Variants in BICRA observed in about 807,000 individuals in gnomAD.
The protein encoded by BICRA is BRD4 interacting chromatin remodeling complex associated protein.
In BICRA, 31 loss-of-function variants were observed where a neutral mutation model predicts 96.9. That is an observed-to-expected ratio of 0.32 (90% CI 0.24 to 0.43). BICRA has a LOEUF of 0.43. Ranked by LOEUF, BICRA falls within the 20% of genes least tolerant of loss-of-function variation. The pLI is 1.00. For missense variants in BICRA, 2,283 were observed against 2,190.3 expected, an observed-to-expected ratio of 1.04 and a Z score of -0.84; for synonymous variants, 1,350 against 1,071.8, an observed-to-expected ratio of 1.26 and a Z score of -5.07.
intron 4 of BICRA, among the ~76,000 whole-genome samples, chr19:47,674,603 C>CT (rs1397001176): frequency 4.6e-5 from 7 of 152,110 alleles, no homozygotes; most frequent in Non-Finnish European, 8.8e-5. Flanking sequence ...CTCAGGGACT[C>CT]TCATGAGGTT....
At chr19:47,658,495 G>T (rs775569040) in intron 1 of BICRA, among the ~76,000 whole-genome samples, 45 of 152,108 alleles carry the variant, frequency 3.0e-4, no homozygotes, top group Non-Finnish European at 2.5e-4. Context: ...CGCCAGGCGT[G>T]GTGGCGAGTG....
At chr19:47,674,112 C>T (rs2081182) in intron 4 of BICRA, among the ~76,000 whole-genome samples, 73,332 of 151,922 alleles carry the variant, frequency 0.48, 18,571 homozygotes, top group South Asian at 0.6. Context: ...AAGGGTCACA[C>T]GAGGGAGGTA....
chr19:47,696,653 T>C, intron 11 of BICRA, 141 bp downstream of exon 11: 1 of 699,394 alleles, frequency 1.4e-6, no homozygotes, highest in Non-Finnish European at 2.3e-6. Context: ...TGTAGTTCCC[T>C]CATAGACCCT....
In BICRA at chr19:47,680,697, C is replaced by T. The variant is rs1434500952; in HGVS notation, c.1527C>T (p.Leu509=). ...AAAAPHTGGQ[L]IANPILTNQN... ...CTGCCCCCCACACAGGTGGACAGCT[C>T]ATCGCGAACCCCATCCTCACAAACC... The change falls in exon 6 of 15, where the codon CTC becomes CTT. Residue 509 remains leucine, a synonymous_variant. Transcript: ENST00000594866. 2.5e-6 allele frequency: 4 copies of T among 1,601,328 alleles called. No individual in the cohort carries two copies. The East Asian group carries it at 6.7e-5, about 27-fold the overall frequency.
At chr19:47,648,487 G>T (rs1972494772) in intron 1 of BICRA, among the ~76,000 whole-genome samples, 1 of 151,792 alleles carries the variant, frequency 6.6e-6, no homozygotes, top group African/African-American at 2.4e-5. Flanking sequence ...TTTATGGCCT[G>T]TCAGATAGCG....
intron 1 of BICRA, among the ~76,000 whole-genome samples, chr19:47,610,345 C>G (rs1301922763): frequency 6.6e-6 from 1 of 152,220 alleles, no homozygotes; most frequent in Non-Finnish European, 1.5e-5. Flanking sequence ...GCCGGGAGGA[C>G]CGGGCAAGGA....
intron 5 of BICRA, among the ~76,000 whole-genome samples, chr19:47,677,321 G>A (rs542740121): frequency 1.3e-5 from 2 of 152,346 alleles, no homozygotes; most frequent in African/African-American, 4.8e-5. Flanking sequence ...AGTATTGTTT[G>A]TGGGGCTTTC....
intron 1 of BICRA, among the ~76,000 whole-genome samples, chr19:47,633,607 AT>A (rs746624640): frequency 2.6e-5 from 4 of 152,216 alleles, no homozygotes; most frequent in Non-Finnish European, 5.9e-5. Flanking sequence ...GGGTCAGGAA[AT>A]AATAGAGTAG....
chr19:47,685,768 TGTGTGTGTGTGTGTGTGTGC>T (rs1293556526), intron 7 of BICRA, among the ~76,000 whole-genome samples: 5 of 132,306 alleles, frequency 3.8e-5, no homozygotes, highest in African/African-American at 1.2e-4. Flanking sequence ...TGTGTGTGTG[TGTGTGTGTGTGTGTGTGTGC>T]GCGCGCGCGC....
intron 1 of BICRA, among the ~76,000 whole-genome samples, chr19:47,614,096 T>TTTCA (rs910707115): frequency 6.6e-6 from 1 of 151,784 alleles, no homozygotes; most frequent in African/African-American, 2.4e-5. Context: ...CGCTGTGGGG[T>TTTCA]TTCATTCATT....
chr19:47,657,772 T>C (rs1972642505), intron 1 of BICRA, among the ~76,000 whole-genome samples: 1 of 152,142 alleles, frequency 6.6e-6, no homozygotes, highest in Non-Finnish European at 1.5e-5. Flanking sequence ...GGCGTGACAT[T>C]GTTGGGTCAT....
chr19:47,635,212 TAATGTTGTAC>T (rs1027402806), intron 1 of BICRA, among the ~76,000 whole-genome samples: 58 of 152,058 alleles, frequency 3.8e-4, no homozygotes, highest in Admixed American at 3.6e-3. Flanking sequence ...AGTACCTTCA[TAATGTTGTAC>T]AATCATCACT....
Position 47,685,741 on chromosome 19 carries a change from C to CTGTGTGTGTGTGTG in BICRA, c.2283+3622_2283+3635dup, listed in dbSNP as rs3074109. 5.9e-3 allele frequency among the ~76,000 whole-genome samples: 683 copies of CTGTGTGTGTGTGTG among 115,412 alleles called. 3 individuals are homozygous for CTGTGTGTGTGTGTG. The highest frequency in any genetic ancestry group is 8.5e-3 in the South Asian group (26 of 3,072). The allele number at this position is 115,412 out of a possible 152,430, so 75.7% of individuals were successfully genotyped here. A position where few individuals can be genotyped will look rare whatever the true frequency, so the allele number is the denominator to read the frequency against. ...TGTACCCAGATGGATTTGGCAGCCTCTGTGTGTGTGTGTGTGTGTGTGTGT... is the reference window on the plus strand; with the variant it reads ...TGTACCCAGATGGATTTGGCAGCCTCTGTGTGTGTGTGTGTGTGTGTGTGTGTGTGTGTGTGTGT... On this transcript the variant is annotated intron_variant, in intron 7 of 14. Transcript: ENST00000594866.
At chr19:47,685,786 T>TGTGC in intron 7 of BICRA, among the ~76,000 whole-genome samples, 5,156 of 117,718 alleles carry the variant, frequency 0.044, 152 homozygotes, top group East Asian at 0.072. Context: ...TGTGTGTGTG[T>TGTGC]GCGCGCGCGC....
chr19:47,636,474 G>GGTA (rs2123529415), intron 1 of BICRA, among the ~76,000 whole-genome samples: 1 of 152,236 alleles, frequency 6.6e-6, no homozygotes, highest in Non-Finnish European at 1.5e-5. Flanking sequence ...CTCCCAAGGT[G>GGTA]GTACTGGGAT....
chr19:47,645,941 T>C (rs1214952738), intron 1 of BICRA, among the ~76,000 whole-genome samples: 1 of 151,782 alleles, frequency 6.6e-6, no homozygotes, highest in Non-Finnish European at 1.5e-5. Context: ...TACAAAAAAT[T>C]AAAAAAGTTA....
Position 47,699,121 on chromosome 19 carries a change from C to A in BICRA, c.3492+62C>A. 8.2e-7 allele frequency: 1 copy of A among 1,216,172 alleles called. No individual in the cohort carries two copies. The highest frequency in any genetic ancestry group is 1.2e-6 in the Non-Finnish European group (1 of 846,030). 75.3% of individuals were successfully genotyped at this position (1,216,172 alleles called of 1,614,324 possible). A position where few individuals can be genotyped will look rare whatever the true frequency, so the allele number is the denominator to read the frequency against. ...TCCTCGCTGGGACACTGCCCCTTTC[C>A]CTCACCCGCTCTGGGCAAGGTGGAG... On this transcript the variant is annotated intron_variant, in intron 13 of 14. Coordinates refer to ENST00000594866, the MANE Select transcript of BICRA (RefSeq NM_001394372.1). This position sits in a 1 kb window ranked among gnomAD's most constrained non-coding sequence, Gnocchi z 5.0.
intron 5 of BICRA, 136 bp downstream of exon 5, chr19:47,676,052 A>T: frequency 1.6e-6 from 1 of 613,442 alleles, no homozygotes; most frequent in East Asian, 2.9e-5. Context: ...TGGGCCACCC[A>T]GGGTGGCTGG....
chr19:47,658,655 C>G (rs887112241), intron 1 of BICRA, among the ~76,000 whole-genome samples: 3 of 140,348 alleles, frequency 2.1e-5, no homozygotes, highest in African/African-American at 8.7e-5. Flanking sequence ...AAAAAAAAAG[C>G]AGCAGCAGCT....
Sources: gnomAD v4.1 joint callset for allele counts (sites outside exome capture counted in the v4.1 genomes callset) on GRCh38, gnomAD v4.1.1 for gene constraint, Gnocchi (gnomAD v3.1) non-coding constraint, MANE v1.5 for transcripts, NCBI Gene and HGNC (gene_info 2026-07-23, HGNC 2026-07-21) for gene names.